TSC22D3: variants seen among roughly 807,000 people sequenced by gnomAD.
TSC22D3 encodes the protein TSC22 domain family protein 3.
A neutral mutation model predicts 11.1 loss-of-function variants in TSC22D3; 4 were observed. That is an observed-to-expected ratio of 0.36 (90% CI 0.18 to 0.83). The LOEUF (loss-of-function observed/expected upper bound fraction) is 0.83, where lower values mean the gene tolerates loss of function less well. TSC22D3 is among the 40% of genes least tolerant of loss of function. TSC22D3 has a pLI of 0.48. For missense variants in TSC22D3, 118 were observed against 159.4 expected, an observed-to-expected ratio of 0.74 and a Z score of 1.40; for synonymous variants, 77 against 70.3, an observed-to-expected ratio of 1.10 and a Z score of -0.48.
At chrX:107,733,934 A>G (rs1476037986) in intron 1 of TSC22D3, among the ~76,000 whole-genome samples, 2 of 110,522 alleles carry the variant, frequency 1.8e-5, no homozygotes, top group Non-Finnish European at 1.9e-5. Context: ...CTTCCCACCC[A>G]TTTTTCCCTT....
At chrX:107,723,692 T>C (rs1927470516) in intron 1 of TSC22D3, among the ~76,000 whole-genome samples, 1 of 112,900 alleles carries the variant, frequency 8.9e-6, no homozygotes, top group Non-Finnish European at 1.9e-5. Context: ...GCAAGGCCTC[T>C]CTCCATCCAC....
chrX:107,716,531 C>T (rs904812937), intron 1 of TSC22D3: 6 of 984,175 alleles, frequency 6.1e-6, no homozygotes, highest in Non-Finnish European at 7.6e-6. Context: ...GGCGGTGACC[C>T]CCCCCTTCCT....
chrX:107,742,039 G>C (rs1450634974), intron 1 of TSC22D3, among the ~76,000 whole-genome samples: 1 of 110,550 alleles, frequency 9.0e-6, no homozygotes, highest in Admixed American at 9.6e-5. Context: ...GCCTTGCTTT[G>C]TTTTCTTTCT....
At chrX:107,763,956 G>A (rs906084626) in intron 1 of TSC22D3, among the ~76,000 whole-genome samples, 1 of 112,387 alleles carries the variant, frequency 8.9e-6, no homozygotes, top group Non-Finnish European at 1.9e-5. Context: ...CCAGGGGTGT[G>A]AGAATTACCT....
rs1456237924 is a variant in TSC22D3, at chrX:107,715,836, GC to G, written c.372+62del. On this transcript the variant is annotated intron_variant, in intron 2 of 2. Coordinates refer to ENST00000372383, the MANE Select transcript of TSC22D3 (RefSeq NM_198057.3). ...CTTTTTCACCCATTCCCTCAATCCT[GC>G]CCAGAGTTACATAAGCAGCAGCTAA... 4.3e-6 allele frequency: 5 copies of G among 1,175,916 alleles called. No homozygotes were observed. In the Admixed American group the frequency reaches 6.5e-5, roughly 15 times the overall value.
intron 1 of TSC22D3, among the ~76,000 whole-genome samples, chrX:107,765,703 T>C (rs1038290847): frequency 1.3e-4 from 15 of 112,556 alleles, no homozygotes; most frequent in African/African-American, 4.5e-4. Context: ...TTGTTTTCTT[T>C]GTTTCTTTTT....
chrX:107,724,835 T>G (rs753745673), intron 1 of TSC22D3, among the ~76,000 whole-genome samples: 1 of 112,590 alleles, frequency 8.9e-6, no homozygotes, highest in Non-Finnish European at 1.9e-5. Flanking sequence ...AATCATGCAT[T>G]ATAATGGGCT....
chrX:107,737,314 A>G (rs1348729656), intron 1 of TSC22D3, among the ~76,000 whole-genome samples: 2 of 112,170 alleles, frequency 1.8e-5, no homozygotes, highest in Non-Finnish European at 3.8e-5. Context: ...GTTGGAAATA[A>G]CCAGGAGCTA....
intron 1 of TSC22D3, among the ~76,000 whole-genome samples, chrX:107,770,776 G>T (rs1929874261): frequency 8.9e-6 from 1 of 112,442 alleles, no homozygotes; most frequent in Non-Finnish European, 1.9e-5. Context: ...TCCTGTTACA[G>T]GTTGTTATAC....
intron 1 of TSC22D3, among the ~76,000 whole-genome samples, chrX:107,755,920 T>A (rs1436889551): frequency 8.9e-6 from 1 of 111,875 alleles, no homozygotes; most frequent in Non-Finnish European, 1.9e-5. Flanking sequence ...AGGAACGTGG[T>A]AGAGACAGTG....
chrX:107,764,024 G>A (rs1217271577), intron 1 of TSC22D3, among the ~76,000 whole-genome samples: 11 of 112,143 alleles, frequency 9.8e-5, no homozygotes, highest in Admixed American at 4.7e-4. Context: ...TATCACCTTT[G>A]GCCTGGGTCT....
At chrX:107,730,097 T>C (rs183033220) in intron 1 of TSC22D3, among the ~76,000 whole-genome samples, 48 of 112,483 alleles carry the variant, frequency 4.3e-4, no homozygotes, top group Non-Finnish European at 7.3e-4. Context: ...CTAAAGACAT[T>C]AGATAACGTT....
At chrX:107,734,234 G>A (rs1286964702) in intron 1 of TSC22D3, among the ~76,000 whole-genome samples, 2 of 112,041 alleles carry the variant, frequency 1.8e-5, no homozygotes, top group Non-Finnish European at 3.8e-5. Context: ...CTGGAAAATC[G>A]GGCCCACCAT....
At chrX:107,762,508 C>T (rs1929482217) in intron 1 of TSC22D3, among the ~76,000 whole-genome samples, 1 of 111,887 alleles carries the variant, frequency 8.9e-6, no homozygotes, top group South Asian at 3.7e-4. Context: ...AGCACCTGGT[C>T]CTGACCCCTT....
At chrX:107,719,701 G>A (rs1927230809) in intron 1 of TSC22D3, among the ~76,000 whole-genome samples, 1 of 111,679 alleles carries the variant, frequency 9.0e-6, no homozygotes, top group South Asian at 3.7e-4. Flanking sequence ...GTGAGTTGAG[G>A]AAGTTGGTAG....
chrX:107,741,437 C>T (rs1008769894), intron 1 of TSC22D3, among the ~76,000 whole-genome samples: 1 of 112,795 alleles, frequency 8.9e-6, no homozygotes, highest in Non-Finnish European at 1.9e-5. Context: ...CTCTGGGAAG[C>T]CCAAGGCTTA....
At chrX:107,759,991 C>T (rs1034762686) in intron 1 of TSC22D3, among the ~76,000 whole-genome samples, 2 of 112,599 alleles carry the variant, frequency 1.8e-5, no homozygotes, top group African/African-American at 3.2e-5. Context: ...GTGCTGCCCT[C>T]GGGATCTTCT....
At chrX:107,742,892 C>T (rs1928483216) in intron 1 of TSC22D3, among the ~76,000 whole-genome samples, 1 of 112,168 alleles carries the variant, frequency 8.9e-6, no homozygotes, top group Non-Finnish European at 1.9e-5. Flanking sequence ...CCCTGCTCCT[C>T]GGGAGCCCCG....
chrX:107,738,205 C>G (rs761074124), intron 1 of TSC22D3, among the ~76,000 whole-genome samples: 17 of 112,778 alleles, frequency 1.5e-4, no homozygotes, highest in Non-Finnish European at 2.4e-4. Flanking sequence ...GATATGTCCC[C>G]TGGGCACCTG....
Sources: gnomAD v4.1 joint callset for allele counts (sites outside exome capture counted in the v4.1 genomes callset) on GRCh38, gnomAD v4.1.1 for gene constraint, MANE v1.5 for transcripts, NCBI Gene and HGNC (gene_info 2026-07-23, HGNC 2026-07-21) for gene names.